B3GALT1: variants seen among roughly 807,000 people sequenced by gnomAD.
B3GALT1 encodes the protein UDP-Gal:betaGlcNAc beta 1,3-galactosyltransferase, polypeptide 1.
In B3GALT1, 10 loss-of-function variants were observed where a neutral mutation model predicts 23.2. The observed-to-expected ratio is 0.43, with a 90% CI of 0.27 to 0.73. The LOEUF (loss-of-function observed/expected upper bound fraction) is 0.73. Among genes scored for constraint, B3GALT1 ranks in the 30% least tolerant of loss-of-function variants. The pLI is 0.21. For missense variants in B3GALT1, 299 were observed against 405.4 expected, an observed-to-expected ratio of 0.74 and a Z score of 2.25; for synonymous variants, 156 against 141.5, an observed-to-expected ratio of 1.10 and a Z score of -0.73.
At chr2:167,296,455 AT>A (rs1009033726) in intron 1 of B3GALT1, among the ~76,000 whole-genome samples, 1 of 152,062 alleles carries the variant, frequency 6.6e-6, no homozygotes, top group Non-Finnish European at 1.5e-5. Flanking sequence ...GTTCATTCTC[AT>A]TTTTTCTTTG....
intron 3 of B3GALT1, among the ~76,000 whole-genome samples, chr2:167,702,758 T>C (rs1381638962): frequency 1.3e-5 from 2 of 152,206 alleles, no homozygotes; most frequent in African/African-American, 2.4e-5. Flanking sequence ...TTCAGGCTTT[T>C]AAAGCTATTT....
At chr2:167,441,594 C>T (rs563932158) in intron 1 of B3GALT1, among the ~76,000 whole-genome samples, 1 of 152,282 alleles carries the variant, frequency 6.6e-6, no homozygotes, top group East Asian at 1.9e-4. Context: ...TGATAGCACT[C>T]TTCCTTAACC....
chr2:167,458,676 G>T lies in B3GALT1; in HGVS notation c.-510-31501G>T, dbSNP rs554615917. 2.6e-5 allele frequency among the ~76,000 whole-genome samples: 4 copies of T among 152,290 alleles called. No individual in the cohort carries two copies. In the East Asian group the frequency reaches 7.7e-4, roughly 29 times the overall value. On this transcript the variant is annotated intron_variant, in intron 1 of 4. Transcript: ENST00000392690. ...TGCGTATGAAGTGGTAAGTTTCACT[G>T]TAGTTTTGATTTGCATTTCTCTAAT...
intron 1 of B3GALT1, among the ~76,000 whole-genome samples, chr2:167,380,197 A>G (rs953314223): frequency 6.6e-6 from 1 of 152,114 alleles, no homozygotes; most frequent in Non-Finnish European, 1.5e-5. Context: ...GCACAGAAGG[A>G]TGGATCAGCT....
At chr2:167,711,555 T>A (rs1042891267) in intron 3 of B3GALT1, among the ~76,000 whole-genome samples, 4 of 152,206 alleles carry the variant, frequency 2.6e-5, no homozygotes, top group Non-Finnish European at 5.9e-5. Flanking sequence ...AGGTCTAAAA[T>A]AAAATCATTC....
At chr2:167,349,397 G>A (rs1020044341) in intron 1 of B3GALT1, among the ~76,000 whole-genome samples, 2 of 152,006 alleles carry the variant, frequency 1.3e-5, no homozygotes, top group African/African-American at 4.8e-5. Context: ...ACTTCATAAT[G>A]GCCCCAACGT....
At chr2:167,444,598 G>A (rs1380534404) in intron 1 of B3GALT1, among the ~76,000 whole-genome samples, 2 of 151,956 alleles carry the variant, frequency 1.3e-5, no homozygotes, top group East Asian at 3.9e-4. Context: ...GTCTTGGGAG[G>A]GTGCATGTGT....
At chr2:167,467,325 G>GTT (rs1290974085) in intron 1 of B3GALT1, among the ~76,000 whole-genome samples, 10 of 152,018 alleles carry the variant, frequency 6.6e-5, no homozygotes, top group African/African-American at 2.4e-4. Context: ...TTCATGTAGG[G>GTT]CCTCCCTCGA....
intron 3 of B3GALT1, among the ~76,000 whole-genome samples, chr2:167,722,079 A>G (rs1687244705): frequency 6.6e-6 from 1 of 152,196 alleles, no homozygotes; most frequent in Admixed American, 6.5e-5. Context: ...TATTCTGTGT[A>G]AAGAGGATAA....
chr2:167,714,004 G>T, intron 3 of B3GALT1: 1 of 1,547,418 alleles, frequency 6.5e-7, no homozygotes, highest in Non-Finnish European at 8.9e-7. Context: ...TAAAGCCGGG[G>T]CCAGTTGCTT....
intron 1 of B3GALT1, among the ~76,000 whole-genome samples, chr2:167,408,155 C>T (rs1476694930): frequency 6.6e-6 from 1 of 151,766 alleles, no homozygotes; most frequent in Non-Finnish European, 1.5e-5. Context: ...AAACTCAACA[C>T]ATTAGAAAGA....
intron 3 of B3GALT1, among the ~76,000 whole-genome samples, chr2:167,656,032 G>C (rs1247247449): frequency 6.6e-6 from 1 of 152,160 alleles, no homozygotes; most frequent in Non-Finnish European, 1.5e-5. Flanking sequence ...CCTGATGACA[G>C]TGACAGTCTC....
intron 1 of B3GALT1, among the ~76,000 whole-genome samples, chr2:167,435,044 C>T (rs1028089255): frequency 2.0e-5 from 3 of 151,968 alleles, no homozygotes; most frequent in Non-Finnish European, 4.4e-5. Flanking sequence ...AGTCCATAAT[C>T]CTTAATGATT....
Position 167,809,284 on chromosome 2 carries a change from C to T in B3GALT1, c.-351-9388C>T, listed in dbSNP as rs572522698. On this transcript the variant is annotated intron_variant, in intron 3 of 4. Transcript: ENST00000392690. ...CGTCTGAAGCCTTCTTCTCTCAACT[C>T]ATCAAAGTCATTCTCTGTCCAGCTT... 1.5e-4 allele frequency among the ~76,000 whole-genome samples: 23 copies of T among 152,312 alleles called. No homozygotes were observed. The South Asian group carries it at 3.9e-3, about 26-fold the overall frequency.
At chr2:167,513,558 C>T (rs534397064) in intron 2 of B3GALT1, among the ~76,000 whole-genome samples, 1 of 152,224 alleles carries the variant, frequency 6.6e-6, no homozygotes, top group African/African-American at 2.4e-5. Context: ...TAAAAAGTTA[C>T]TGTCTTTTAT....
At chr2:167,422,853 G>A (rs1355005827) in intron 1 of B3GALT1, among the ~76,000 whole-genome samples, 1 of 152,092 alleles carries the variant, frequency 6.6e-6, no homozygotes, top group Non-Finnish European at 1.5e-5. Flanking sequence ...GTGGACACCA[G>A]CCAAGAGTCC....
chr2:167,671,067 TA>T (rs1329179519), intron 3 of B3GALT1, among the ~76,000 whole-genome samples: 2 of 151,972 alleles, frequency 1.3e-5, no homozygotes, highest in African/African-American at 2.4e-5. Context: ...AGACTTTAAG[TA>T]AAAAACTGTG....
chr2:167,808,414 T>C (rs1384276610), intron 3 of B3GALT1, among the ~76,000 whole-genome samples: 1 of 151,468 alleles, frequency 6.6e-6, no homozygotes, highest in African/African-American at 2.4e-5. Flanking sequence ...TCTTTACAGT[T>C]TGGCATGTTT....
intron 1 of B3GALT1, among the ~76,000 whole-genome samples, chr2:167,476,365 G>A (rs1363231525): frequency 7.9e-5 from 12 of 152,158 alleles, no homozygotes; most frequent in Admixed American, 3.9e-4. Flanking sequence ...GAATATAAGC[G>A]TTTATTATTT....
Sources: allele counts gnomAD v4.1 joint callset (sites outside exome capture counted in the v4.1 genomes callset), GRCh38; gene constraint gnomAD v4.1.1; transcripts MANE v1.5; gene names NCBI Gene and HGNC (gene_info 2026-07-23, HGNC 2026-07-21).